OSTN: variants seen among roughly 807,000 people sequenced by gnomAD.
OSTN encodes the protein osteocrin.
A neutral mutation model predicts 12.0 loss-of-function variants in OSTN; 9 were observed. That is an observed-to-expected ratio of 0.75 (90% CI 0.45 to 1.30). The LOEUF (loss-of-function observed/expected upper bound fraction) is 1.30, where lower values mean the gene tolerates loss of function less well. Among genes scored for constraint, OSTN ranks in the 50% most tolerant of loss-of-function variants. The probability of loss-of-function intolerance (pLI) is 0.00; values close to 1 mark genes in which losing one functional copy is unlikely to be tolerated. For missense variants in OSTN, 148 were observed against 152.3 expected, an observed-to-expected ratio of 0.97 and a Z score of 0.15; for synonymous variants, 59 against 56.9, an observed-to-expected ratio of 1.04 and a Z score of -0.16.
chr3:191,253,981 T>C (rs768347003), intron 4 of OSTN, among the ~76,000 whole-genome samples: 2 of 152,332 alleles, frequency 1.3e-5, no homozygotes, highest in Admixed American at 6.5e-5. Flanking sequence ...GGTTGTTAGA[T>C]AGAAATAGAC....
chr3:191,219,486 T>C (rs1315897770), intron 3 of OSTN, among the ~76,000 whole-genome samples: 2 of 152,222 alleles, frequency 1.3e-5, no homozygotes, highest in East Asian at 3.8e-4. Flanking sequence ...GATCCTCAGC[T>C]TATTTATGCA....
At chr3:191,259,206 T>TTTC (rs1715744725) in intron 4 of OSTN, among the ~76,000 whole-genome samples, 1 of 151,852 alleles carries the variant, frequency 6.6e-6, no homozygotes, top group African/African-American at 2.4e-5. Flanking sequence ...ATCTGTTTTT[T>TTTC]TTTTTTGAGA....
intron 3 of OSTN, among the ~76,000 whole-genome samples, chr3:191,219,286 T>C (rs997042171): frequency 6.6e-6 from 1 of 152,234 alleles, no homozygotes; most frequent in Non-Finnish European, 1.5e-5. Context: ...ATAAATGTTC[T>C]GGTGAACTGA....
At chr3:191,240,808 G>C (rs1257194941) in intron 3 of OSTN, among the ~76,000 whole-genome samples, 2 of 152,236 alleles carry the variant, frequency 1.3e-5, no homozygotes, top group Admixed American at 1.3e-4. Context: ...CTCTCTAAAG[G>C]GTTGTTAGCA....
At position 191,207,710 on chromosome 3, in the gene OSTN, C is replaced by G. The variant is rs191144335; in HGVS notation, c.1-4823C>G. 8.6e-4 allele frequency among the ~76,000 whole-genome samples: 131 copies of G among 152,166 alleles called. 1 individual carries two copies. The highest frequency in any genetic ancestry group is 2.9e-3 in the African/African-American group (122 of 41,512). ...AAACTCTGGTTTAAATATAATTAAGCCAGTTTTTCTTTATTGCTGGAATTT... is the reference window on the plus strand; with the variant it reads ...AAACTCTGGTTTAAATATAATTAAGGCAGTTTTTCTTTATTGCTGGAATTT... On this transcript the variant is annotated intron_variant, in intron 1 of 4. Transcript: ENST00000682035.
At position 191,199,276 on chromosome 3, in the gene OSTN, T is replaced by C. The variant is rs558331294; in HGVS notation, c.-32T>C. On this transcript the variant is annotated 5_prime_UTR_variant, in exon 1 of 5. Coordinates refer to ENST00000682035, the MANE Select transcript of OSTN (RefSeq NM_198184.2). The stretch of plus-strand genomic sequence containing the variant: ...TTTGGAGAAACTGCAGAGACAGTAC[T>C]CTAAAGTTAGAATCTCCTGATCTTT... The C allele has an allele frequency of 5.9e-5, 9 of 152,266 alleles. No individual in the cohort carries two copies. The highest frequency in any genetic ancestry group is 3.4e-3 in the Middle Eastern group (1 of 294). The allele number at this position is 152,266 out of a possible 1,614,324, so 9.4% of individuals were successfully genotyped here.
chr3:191,218,649 T>G, intron 2 of OSTN, 98 bp from the exon 3 acceptor site: 26 of 925,264 alleles, frequency 2.8e-5, no homozygotes, highest in Non-Finnish European at 3.9e-5. Context: ...TGTTACATGA[T>G]GAGTATGTCA....
intron 3 of OSTN, among the ~76,000 whole-genome samples, chr3:191,233,255 T>A (rs1715106900): frequency 6.6e-6 from 1 of 152,288 alleles, no homozygotes; most frequent in Admixed American, 6.5e-5. Flanking sequence ...ACCTGTTGTT[T>A]CCTATTTTGT....
intron 2 of OSTN, among the ~76,000 whole-genome samples, chr3:191,217,820 A>G (rs1278333670): frequency 6.6e-6 from 1 of 152,158 alleles, no homozygotes; most frequent in Non-Finnish European, 1.5e-5. Context: ...CTAAATTTTT[A>G]TTTTTGTATC....
intron 1 of OSTN, among the ~76,000 whole-genome samples, chr3:191,207,822 C>T (rs1714317200): frequency 6.6e-6 from 1 of 152,140 alleles, no homozygotes; most frequent in African/African-American, 2.4e-5. Flanking sequence ...TTTTATACCT[C>T]CTGACAAAAC....
At chr3:191,208,494 A>G (rs1236769464) in intron 1 of OSTN, among the ~76,000 whole-genome samples, 1 of 152,244 alleles carries the variant, frequency 6.6e-6, no homozygotes, top group East Asian at 1.9e-4. Context: ...TTAAACCATT[A>G]AATGTGTGTA....
At chr3:191,203,093 A>G (rs1026080311) in intron 1 of OSTN, among the ~76,000 whole-genome samples, 12 of 152,312 alleles carry the variant, frequency 7.9e-5, no homozygotes, top group South Asian at 4.1e-4. Context: ...ACTTCATCAC[A>G]TTTTACTGTA....
At chr3:191,255,507 A>C (rs1026403049) in intron 4 of OSTN, among the ~76,000 whole-genome samples, 2 of 152,248 alleles carry the variant, frequency 1.3e-5, no homozygotes, top group African/African-American at 4.8e-5. Context: ...TCCTTGATGA[A>C]ATAACCAGTG....
intron 1 of OSTN, among the ~76,000 whole-genome samples, chr3:191,204,672 C>G (rs1487611407): frequency 6.6e-6 from 1 of 152,232 alleles, no homozygotes; most frequent in Non-Finnish European, 1.5e-5. Flanking sequence ...CATCTGGGTG[C>G]TTCCCTAATC....
intron 2 of OSTN, among the ~76,000 whole-genome samples, chr3:191,215,049 T>G (rs960330811): frequency 6.6e-6 from 1 of 152,160 alleles, no homozygotes; most frequent in African/African-American, 2.4e-5. Flanking sequence ...GACTAGGTAA[T>G]TTATAAAGGA....
chr3:191,246,067 C>CAAAA (rs149962240), intron 3 of OSTN, among the ~76,000 whole-genome samples: 1 of 60,356 alleles, frequency 1.7e-5, no homozygotes, highest in Non-Finnish European at 3.0e-5. Flanking sequence ...AACTCTGTCT[C>CAAAA]AAAAAAAAAA....
At chr3:191,261,775 A>G (rs2108558630) in intron 4 of OSTN, among the ~76,000 whole-genome samples, 1 of 152,350 alleles carries the variant, frequency 6.6e-6, no homozygotes, top group East Asian at 1.9e-4. Context: ...ATATTGTACC[A>G]AAGTTTTGAG....
At chr3:191,242,266 C>A (rs1460365267) in intron 3 of OSTN, among the ~76,000 whole-genome samples, 1 of 152,108 alleles carries the variant, frequency 6.6e-6, no homozygotes, top group African/African-American at 2.4e-5. Context: ...TTAAATGATG[C>A]CACTTACAAC....
chr3:191,236,420 G>A (rs1159242087), intron 3 of OSTN, among the ~76,000 whole-genome samples: 2 of 151,978 alleles, frequency 1.3e-5, no homozygotes, highest in Non-Finnish European at 1.5e-5. Flanking sequence ...AGAGTAAAGT[G>A]AAAGCAATTT....
Sources: gnomAD v4.1 joint callset for allele counts (sites outside exome capture counted in the v4.1 genomes callset) on GRCh38, gnomAD v4.1.1 for gene constraint, MANE v1.5 for transcripts, NCBI Gene and HGNC (gene_info 2026-07-23, HGNC 2026-07-21) for gene names.